The following YJU2 variants were observed in gnomAD, a reference collection of about 807,000 sequenced individuals.
The protein encoded by YJU2 is splicing factor YJU2.
YJU2 carries 28 observed loss-of-function variants against 39.6 expected under a neutral mutation model. The observed-to-expected ratio is 0.71, with a 90% CI of 0.52 to 0.97. The LOEUF is 0.97. Ranked by LOEUF, YJU2 falls within the 50% of genes least tolerant of loss-of-function variation. The pLI, the probability that YJU2 is intolerant of heterozygous loss-of-function variation, is 0.00. For missense variants in YJU2, 328 were observed against 430.4 expected (o/e 0.76, Z 2.11); for synonymous variants, 184 against 182.4 (o/e 1.01, Z -0.07).
At chr19:4,255,784 A>G (rs1971014930) in intron 4 of YJU2, among the ~76,000 whole-genome samples, 1 of 151,068 alleles carries the variant, frequency 6.6e-6, no homozygotes, top group Non-Finnish European at 1.5e-5. Flanking sequence ...AGGCAGGCGG[A>G]TCACCTGAGG....
chr19:4,256,470 GCTGT>G, intron 4 of YJU2, among the ~76,000 whole-genome samples: 1 of 152,140 alleles, frequency 6.6e-6, no homozygotes, highest in South Asian at 2.1e-4. Context: ...CTGTCGCACT[GCTGT>G]CTGTGTGTGA....
At chr19:4,257,640 C>T (rs1568362227) in intron 4 of YJU2, among the ~76,000 whole-genome samples, 1 of 152,140 alleles carries the variant, frequency 6.6e-6, no homozygotes, top group East Asian at 1.9e-4. Context: ...CGCCCAGCTA[C>T]TTTTTGTATT....
Position 4,251,139 on chromosome 19 carries a change from T to A in YJU2, c.238T>A (p.Cys80Ser), listed in dbSNP as rs1165364062. ...GCCCATCTTCCGCTTTTACATCAAGTGCACGCGCTGCCTGGCAGAGATCAC... is the reference window on the plus strand; with the variant it reads ...GCCCATCTTCCGCTTTTACATCAAGAGCACGCGCTGCCTGGCAGAGATCAC... ...GLPIFRFYIKCTRCLAEITFK... is the reference protein window; with the variant it reads ...GLPIFRFYIKSTRCLAEITFK... Residue 80 changes from cysteine (C) to serine (S), a missense_variant, in exon 3 of 8, where the codon TGC becomes AGC. Coordinates refer to ENST00000262962, the MANE Select transcript of YJU2 (RefSeq NM_018074.6). 1 of 1,613,998 alleles carries A rather than the reference T, an allele frequency of 6.2e-7. No homozygotes were observed. The highest frequency in any genetic ancestry group is 8.5e-7 in the Non-Finnish European group (1 of 1,180,028).
intron 3 of YJU2, among the ~76,000 whole-genome samples, chr19:4,253,808 A>G (rs1970997225): frequency 6.7e-6 from 1 of 149,288 alleles, no homozygotes; most frequent in African/African-American, 2.5e-5. Flanking sequence ...AAATCACAAC[A>G]TGTGCAGAAC....
intron 6 of YJU2, among the ~76,000 whole-genome samples, chr19:4,266,270 G>A (rs2144700913): frequency 6.6e-6 from 1 of 152,128 alleles, no homozygotes; most frequent in Middle Eastern, 3.4e-3. Context: ...ACTTTAAGGA[G>A]GCCTCTCCAC....
intron 2 of YJU2, among the ~76,000 whole-genome samples, chr19:4,250,152 ACT>A (rs1408084908): frequency 6.6e-6 from 1 of 151,594 alleles, no homozygotes; most frequent in Non-Finnish European, 1.5e-5. Flanking sequence ...TATTTCACCA[ACT>A]CTCAACCCCA....
At chr19:4,268,410 G>A (rs1274000236) in intron 7 of YJU2, among the ~76,000 whole-genome samples, 174 bp from the exon 8 acceptor site, 1 of 152,228 alleles carries the variant, frequency 6.6e-6, no homozygotes. Context: ...TGAGTCCCGG[G>A]TGTGCAGATG....
intron 5 of YJU2, among the ~76,000 whole-genome samples, chr19:4,260,896 C>T (rs969738123): frequency 2.0e-5 from 3 of 152,126 alleles, no homozygotes; most frequent in Non-Finnish European, 4.4e-5. Flanking sequence ...AGGACAACAT[C>T]CATCTGGGTG....
At chr19:4,267,508 T>C (rs1159640220) in intron 6 of YJU2, 116 bp from the exon 7 acceptor site, 1 of 1,069,676 alleles carries the variant, frequency 9.3e-7, no homozygotes, top group East Asian at 2.5e-5. Flanking sequence ...AGGAGGAATG[T>C]GGTCAGTGCA....
intron 5 of YJU2, among the ~76,000 whole-genome samples, chr19:4,260,566 G>A (rs573329723): frequency 4.7e-5 from 7 of 148,428 alleles, no homozygotes; most frequent in East Asian, 2.2e-4. Context: ...GTGAAACCCC[G>A]TCTCTACTAA....
At chr19:4,256,224 A>G (rs1279841885) in intron 4 of YJU2, among the ~76,000 whole-genome samples, 3 of 149,978 alleles carry the variant, frequency 2.0e-5, no homozygotes, top group Non-Finnish European at 4.4e-5. Context: ...ACACATATAC[A>G]TATATATACA....
At chr19:4,258,904 G>A (rs1205802433) in intron 5 of YJU2, among the ~76,000 whole-genome samples, 1 of 151,946 alleles carries the variant, frequency 6.6e-6, no homozygotes, top group African/African-American at 2.4e-5. Flanking sequence ...GGAAAGCAGG[G>A]GTCACGCATA....
intron 4 of YJU2, 34 bp downstream of exon 4, chr19:4,254,523 CTGTGTG>C (rs754895574): frequency 6.5e-7 from 1 of 1,542,652 alleles, no homozygotes; most frequent in African/African-American, 1.4e-5. Flanking sequence ...TTCATGGGCG[CTGTGTG>C]TGTGGGTGTG....
chr19:4,259,088 T>TTTTA (rs1971049331), intron 5 of YJU2, among the ~76,000 whole-genome samples: 3 of 135,582 alleles, frequency 2.2e-5, no homozygotes, highest in Admixed American at 1.5e-4. Context: ...TTTTTTTTTT[T>TTTTA]TTTTTTTTTT....
chr19:4,247,370 C>A, intron 1 of YJU2, 200 bp downstream of exon 1: 2 of 563,488 alleles, frequency 3.5e-6, no homozygotes, highest in Admixed American at 6.8e-5. Context: ...AGTCTCCCTT[C>A]TGGGCTGGGG....
intron 5 of YJU2, 49 bp from the exon 6 acceptor site, chr19:4,261,945 A>C (rs199821931): frequency 1.3e-6 from 2 of 1,594,642 alleles, no homozygotes; most frequent in African/African-American, 1.3e-5. Flanking sequence ...CATCCCAGGC[A>C]CTGTTCCCCA....
intron 2 of YJU2, among the ~76,000 whole-genome samples, chr19:4,249,810 G>A (rs1229426504): frequency 2.6e-5 from 4 of 151,956 alleles, no homozygotes; most frequent in South Asian, 2.1e-4. Flanking sequence ...GGCTTCAAGC[G>A]ATTCTCCTGC....
intron 5 of YJU2, 25 bp from the exon 6 acceptor site, chr19:4,261,969 C>T (rs1971074242): frequency 6.2e-7 from 1 of 1,610,774 alleles, no homozygotes; most frequent in Non-Finnish European, 8.5e-7. Context: ...AGAGCACGTC[C>T]AAGTTCCCAT....
chr19:4,266,505 G>A (rs191494480), intron 6 of YJU2, among the ~76,000 whole-genome samples: 268 of 152,198 alleles, frequency 1.8e-3, no homozygotes, highest in Non-Finnish European at 2.6e-3. Flanking sequence ...CCCTTCCTCT[G>A]AGAAGCTCAT....
Sources: gnomAD v4.1 joint callset for allele counts (sites outside exome capture counted in the v4.1 genomes callset) on GRCh38, gnomAD v4.1.1 for gene constraint, MANE v1.5 for transcripts, NCBI Gene and HGNC (gene_info 2026-07-23, HGNC 2026-07-21) for gene names.